Variants in MYT1L observed in about 807,000 individuals in gnomAD.
MYT1L encodes myelin transcription factor 1 like.
Under a neutral mutation model 126.7 loss-of-function variants are expected in MYT1L, and 12 were observed. The ratio of observed to expected loss-of-function variants is 0.09; its 90% CI spans 0.06 to 0.15. The LOEUF is 0.15. MYT1L is among the 10% of genes least tolerant of loss of function. The pLI is 1.00. For synonymous variants in MYT1L, 541 were observed against 604.2 expected (o/e 0.90, Z 1.53); for missense variants, 979 against 1,585.2 (o/e 0.62, Z 6.49).
At position 1,842,886 on chromosome 2, in the gene MYT1L, TCCGCTTCC is replaced by T. The variant is rs1437462945; in HGVS notation, c.2775-2051_2775-2044del. On this transcript the variant is annotated intron_variant, in intron 19 of 24. Coordinates refer to ENST00000647738, the MANE Select transcript of MYT1L (RefSeq NM_001303052.2). ...TGTCCAGCTTCCGCTTCCAGGCGCT[TCCGCTTCC>T]AGGCGCTTCCGCTTCCAGGCGCTTC... 69 of 166,346 alleles carry T rather than the reference TCCGCTTCC, an allele frequency of 4.1e-4. No individual in the cohort carries two copies. The East Asian group carries it at 9.1e-3, about 22-fold the overall frequency. 10.3% of individuals were successfully genotyped at this position (166,346 alleles called of 1,614,324 possible).
chr2:2,144,173 T>C (rs1315353083), intron 3 of MYT1L, among the ~76,000 whole-genome samples: 4 of 152,142 alleles, frequency 2.6e-5, no homozygotes, highest in Non-Finnish European at 5.9e-5. Context: ...CACCTGCACC[T>C]GGGAGGTTAG....
In MYT1L at chr2:2,305,647, C is replaced by G. The variant is rs561521593; in HGVS notation, c.-520-21144G>C. On this transcript the variant is annotated intron_variant, in intron 1 of 24. Coordinates refer to ENST00000647738, the MANE Select transcript of MYT1L (RefSeq NM_001303052.2). ...TATAAAGAAAAGAGGTTTAATTGAA[C>G]CACAGCTCCACAGGCTGTACAGGAT... Among the ~76,000 whole-genome samples, 6 of 152,216 alleles carry G rather than the reference C, an allele frequency of 3.9e-5. No individual in the cohort carries two copies. The South Asian group carries it at 1.2e-3, about 32-fold the overall frequency.
chr2:2,197,622 CACAT>C (rs2092864739), intron 2 of MYT1L, among the ~76,000 whole-genome samples: 1 of 151,894 alleles, frequency 6.6e-6, no homozygotes, highest in Non-Finnish European at 1.5e-5. Context: ...CGTATATACA[CACAT>C]GCACACACAC....
intron 1 of MYT1L, among the ~76,000 whole-genome samples, chr2:2,307,784 CTATCTATACTCCACCCA>C (rs1212707601): frequency 1.4e-5 from 2 of 145,910 alleles, no homozygotes; most frequent in African/African-American, 5.3e-5. Flanking sequence ...TCAGTACACT[CTATCTATACTCCACCCA>C]TGTTTCAGTA....
intron 1 of MYT1L, among the ~76,000 whole-genome samples, chr2:2,317,113 G>A (rs150686027): frequency 2.0e-5 from 3 of 152,064 alleles, no homozygotes; most frequent in South Asian, 2.1e-4. Flanking sequence ...CACCATGCCC[G>A]GCCAGTCCAG....
rs10865522 is a variant in MYT1L at position 1,848,040 on chromosome 2, A to G, written c.2774+3601T>C. On this transcript the variant is annotated intron_variant, in intron 19 of 24. Coordinates refer to ENST00000647738, the MANE Select transcript of MYT1L (RefSeq NM_001303052.2). This position sits in a 1 kb window ranked among gnomAD's most constrained non-coding sequence, Gnocchi z 4.8. Reference sequence around the variant, plus strand: ...CATGGGCTCCAGTTGCAGCTCTGCTACTGAATCTCCTGGCCCCTCAGTTTC... The same window carrying G: ...CATGGGCTCCAGTTGCAGCTCTGCTGCTGAATCTCCTGGCCCCTCAGTTTC... Among the ~76,000 whole-genome samples the G allele has an allele frequency of 0.44, 66,822 of 151,998 alleles. 15,578 individuals are homozygous for G. The highest frequency in any genetic ancestry group is 0.68 in the East Asian group (3,477 of 5,144).
intron 3 of MYT1L, among the ~76,000 whole-genome samples, chr2:2,170,775 G>T (rs756542954): frequency 6.6e-6 from 1 of 152,122 alleles, no homozygotes; most frequent in Non-Finnish European, 1.5e-5. Flanking sequence ...ATGAGAACAT[G>T]GATAACAAAT....
At chr2:2,016,475 A>C (rs1187900394) in intron 4 of MYT1L, among the ~76,000 whole-genome samples, 1 of 152,234 alleles carries the variant, frequency 6.6e-6, no homozygotes, top group Non-Finnish European at 1.5e-5. Flanking sequence ...CACAGCCGCC[A>C]TGGCACTGTT....
At chr2:1,963,201 G>C (rs114154104) in intron 8 of MYT1L, among the ~76,000 whole-genome samples, 1 of 152,208 alleles carries the variant, frequency 6.6e-6, no homozygotes, top group Non-Finnish European at 1.5e-5. Flanking sequence ...GGGTGCCCAG[G>C]TGCATTGCCC....
At chr2:2,019,266 G>T (rs1304010667) in intron 4 of MYT1L, among the ~76,000 whole-genome samples, 2 of 152,056 alleles carry the variant, frequency 1.3e-5, no homozygotes, top group African/African-American at 4.8e-5. Context: ...AGATTTGATG[G>T]TTTTATAAAG....
At chr2:2,276,960 A>G (rs1239159842) in intron 2 of MYT1L, among the ~76,000 whole-genome samples, 7 of 145,024 alleles carry the variant, frequency 4.8e-5, no homozygotes, top group Admixed American at 2.1e-4. Context: ...TCACCTGCTA[A>G]CTTCCGATTG....
At chr2:1,933,499 T>C (rs1054279716) in intron 9 of MYT1L, among the ~76,000 whole-genome samples, 7 of 152,240 alleles carry the variant, frequency 4.6e-5, no homozygotes, top group Non-Finnish European at 8.8e-5. Flanking sequence ...TTCCGAAGAC[T>C]GAACAATTTT....
At chr2:1,794,440 T>C (rs2147813316) in intron 23 of MYT1L, among the ~76,000 whole-genome samples, 1 of 152,348 alleles carries the variant, frequency 6.6e-6, no homozygotes, top group Middle Eastern at 3.4e-3. Context: ...GCAGTGTGTC[T>C]GCAGTGAGAA....
chr2:2,042,478 G>C, intron 4 of MYT1L, among the ~76,000 whole-genome samples: 1 of 152,016 alleles, frequency 6.6e-6, no homozygotes, highest in Non-Finnish European at 1.5e-5. Context: ...GCTCAAAGTC[G>C]CAATGCTATG....
At position 2,267,623 on chromosome 2, in the gene MYT1L, A is replaced by G. The variant is rs578018889; in HGVS notation, c.-421+16781T>C. On this transcript the variant is annotated intron_variant, in intron 2 of 24. Transcript: ENST00000647738. ...ACAGGGAAGGCCGAGGTTGCCCTGC[A>G]GTTCACCGCTTGGTGGGCTGAAGTG... Among the ~76,000 whole-genome samples the G allele has an allele frequency of 2.0e-5, 3 of 152,294 alleles. No individual in the cohort carries two copies. In the East Asian group the frequency reaches 5.8e-4, roughly 29 times the overall value.
chr2:1,978,848 C>T (rs1282964419), intron 8 of MYT1L, among the ~76,000 whole-genome samples: 1 of 152,160 alleles, frequency 6.6e-6, no homozygotes, highest in Non-Finnish European at 1.5e-5. Context: ...AGAAATTGGG[C>T]TCCTCGGTGA....
intron 14 of MYT1L, among the ~76,000 whole-genome samples, chr2:1,899,849 CAGACAGACACAT>C (rs2050105397): frequency 6.6e-6 from 1 of 152,194 alleles, no homozygotes; most frequent in South Asian, 2.1e-4. Flanking sequence ...GGCAGACACA[CAGACAGACACAT>C]AGACAGACAC....
chr2:2,227,050 T>C (rs946764362), intron 2 of MYT1L, among the ~76,000 whole-genome samples: 8 of 152,000 alleles, frequency 5.3e-5, no homozygotes, highest in Non-Finnish European at 7.4e-5. Context: ...AGATCCTTCA[T>C]TTCTCCTTGA....
chr2:1,996,283 G>A (rs571379391), intron 5 of MYT1L, among the ~76,000 whole-genome samples: 6 of 151,756 alleles, frequency 4.0e-5, no homozygotes, highest in Middle Eastern at 3.5e-3. Flanking sequence ...GTACAGAACC[G>A]AGTGTAGACA....
Sources: allele counts gnomAD v4.1 joint callset (sites outside exome capture counted in the v4.1 genomes callset), GRCh38; gene constraint gnomAD v4.1.1; non-coding constraint Gnocchi (gnomAD v3.1); transcripts MANE v1.5; gene names NCBI Gene and HGNC (gene_info 2026-07-23, HGNC 2026-07-21).